PCDHA3: variants seen among roughly 807,000 people sequenced by gnomAD.
The protein encoded by PCDHA3 is protocadherin alpha 3, also known as protocadherin alpha-3.
In PCDHA3, 41 loss-of-function variants were observed where a neutral mutation model predicts 62.2. The observed-to-expected ratio is 0.66, with a 90% CI of 0.51 to 0.86. The LOEUF is 0.86. PCDHA3 is among the 40% of genes least tolerant of loss of function. The pLI is 0.00. For missense variants in PCDHA3, 1,304 were observed against 1,241.2 expected, an observed-to-expected ratio of 1.05 and a Z score of -0.76; for synonymous variants, 640 against 555.4, an observed-to-expected ratio of 1.15 and a Z score of -2.14.
intron 1 of PCDHA3, among the ~76,000 whole-genome samples, chr5:140,951,817 C>T (rs981107617): frequency 6.6e-6 from 1 of 152,146 alleles, no homozygotes; most frequent in Non-Finnish European, 1.5e-5. Flanking sequence ...CCCTCAAAGT[C>T]TGAACTCATT....
In PCDHA3 at chr5:140,850,584, A is replaced by G. The variant is rs1484372356; in HGVS notation, c.2394+46993A>G. On this transcript the variant is annotated intron_variant, in intron 1 of 3. Transcript: ENST00000522353. Reference sequence around the variant, plus strand: ...CCCCGAGGTGACGCTGGTGGATGTCAACGTGTACCTGATCATCGCCATCTG... The same window carrying G: ...CCCCGAGGTGACGCTGGTGGATGTCGACGTGTACCTGATCATCGCCATCTG... The G allele has an allele frequency of 2.5e-6, 4 of 1,598,362 alleles. 1 individual carries two copies. The highest frequency in any genetic ancestry group is 3.4e-6 in the Non-Finnish European group (4 of 1,167,826).
intron 1 of PCDHA3, among the ~76,000 whole-genome samples, chr5:140,897,966 T>C (rs1339473229): frequency 5.3e-5 from 8 of 152,276 alleles, no homozygotes; most frequent in African/African-American, 1.9e-4. Flanking sequence ...TTCATGTGTC[T>C]TTTGGCTGCA....
At chr5:140,880,840 GT>G (rs1554171522) in intron 1 of PCDHA3, among the ~76,000 whole-genome samples, 2 of 152,176 alleles carry the variant, frequency 1.3e-5, no homozygotes, top group Admixed American at 6.5e-5. Flanking sequence ...ATTTTAAATG[GT>G]TGACTATGTA....
intron 1 of PCDHA3, chr5:140,929,402 A>G: frequency 7.3e-6 from 11 of 1,507,926 alleles, no homozygotes; most frequent in Non-Finnish European, 9.7e-6. Context: ...TTTCTTAGAC[A>G]AGCCTTTCAC....
intron 1 of PCDHA3, chr5:140,968,033 G>A (rs1554230222): frequency 6.2e-7 from 1 of 1,614,074 alleles, no homozygotes; most frequent in African/African-American, 1.3e-5. Context: ...TACACTGGTG[G>A]TGAGCGGCCC....
chr5:140,999,215 C>A (rs1290752092), intron 3 of PCDHA3, among the ~76,000 whole-genome samples: 1 of 152,140 alleles, frequency 6.6e-6, no homozygotes, highest in East Asian at 1.9e-4. Context: ...TCTGGAAGTA[C>A]TACATTTGAG....
chr5:140,840,342 G>C (rs1167042274), intron 1 of PCDHA3, among the ~76,000 whole-genome samples: 2 of 151,918 alleles, frequency 1.3e-5, no homozygotes, highest in African/African-American at 4.8e-5. Flanking sequence ...CAATGTTAGG[G>C]TATACAGGTA....
chr5:140,838,756 G>A (rs1775869518), intron 1 of PCDHA3, among the ~76,000 whole-genome samples: 1 of 151,874 alleles, frequency 6.6e-6, no homozygotes, highest in Non-Finnish European at 1.5e-5. Context: ...TGCATCTTTT[G>A]TAGAGACTTT....
chr5:140,897,389 C>G (rs1212817070), intron 1 of PCDHA3, among the ~76,000 whole-genome samples: 1 of 139,546 alleles, frequency 7.2e-6, no homozygotes, highest in Non-Finnish European at 1.5e-5. Context: ...CTTCCTGTGT[C>G]CATGTGTTCT....
intron 1 of PCDHA3, chr5:140,851,395 A>G: frequency 1.0e-6 from 1 of 973,138 alleles, no homozygotes; most frequent in Non-Finnish European, 1.2e-6. Context: ...AGTATCTATT[A>G]TTTTAATAAG....
intron 3 of PCDHA3, among the ~76,000 whole-genome samples, chr5:140,990,194 G>A (rs2097380047): frequency 6.6e-6 from 1 of 152,076 alleles, no homozygotes; most frequent in Non-Finnish European, 1.5e-5. Context: ...ACCAAATGTG[G>A]ACCCGAAAGA....
rs1241604273 is a variant in PCDHA3, at chr5:140,841,714, A to G, written c.2394+38123A>G. ...TGAAGGATGTTAATGACAACCCGCC[A>G]GTGTTCCGGGTAAAAGACCAAAAGC... On this transcript the variant is annotated intron_variant, in intron 1 of 3. Coordinates refer to ENST00000522353, the MANE Select transcript of PCDHA3 (RefSeq NM_018906.3). The G allele has an allele frequency of 2.5e-6, 4 of 1,613,762 alleles. No individual in the cohort carries two copies. In the African/African-American group the frequency reaches 4.0e-5, roughly 16 times the overall value.
intron 3 of PCDHA3, among the ~76,000 whole-genome samples, chr5:140,988,691 G>A (rs1205492528): frequency 6.6e-6 from 1 of 152,114 alleles, no homozygotes; most frequent in African/African-American, 2.4e-5. Context: ...TTCCCTAGAC[G>A]CTCTGTATTT....
intron 1 of PCDHA3, chr5:140,863,589 T>C: frequency 2.8e-6 from 1 of 359,456 alleles, no homozygotes; most frequent in Admixed American, 3.7e-5. Flanking sequence ...TCCTGGAAAG[T>C]ATTTCATTCC....
intron 1 of PCDHA3, among the ~76,000 whole-genome samples, chr5:140,846,541 AT>A (rs1226302144): frequency 6.8e-6 from 1 of 147,482 alleles, no homozygotes; most frequent in Non-Finnish European, 1.5e-5. Context: ...TGCCCTGCTA[AT>A]TTTTTGTATT....
chr5:140,836,439 AT>A (rs1774485155), intron 1 of PCDHA3: 1 of 1,613,702 alleles, frequency 6.2e-7, no homozygotes, highest in Admixed American at 1.7e-5. Context: ...ATCGTTGGGC[AT>A]TGCAGGCCCA....
chr5:140,987,001 G>T (rs2097221434), intron 3 of PCDHA3, among the ~76,000 whole-genome samples: 1 of 152,038 alleles, frequency 6.6e-6, no homozygotes. Context: ...ATCACTTGAG[G>T]TCATGAGTTC....
intron 2 of PCDHA3, among the ~76,000 whole-genome samples, chr5:140,979,752 G>A (rs1048851264): frequency 4.6e-5 from 7 of 152,138 alleles, no homozygotes; most frequent in South Asian, 2.1e-4. Context: ...CATTATTTGC[G>A]AATGTCTTTG....
intron 1 of PCDHA3, chr5:140,929,563 G>A: frequency 2.1e-6 from 1 of 470,088 alleles, no homozygotes; most frequent in Non-Finnish European, 3.6e-6. Context: ...ACCTATTTAA[G>A]AACAATAAAA....
Sources: allele counts gnomAD v4.1 joint callset (sites outside exome capture counted in the v4.1 genomes callset), GRCh38; gene constraint gnomAD v4.1.1; transcripts MANE v1.5; gene names NCBI Gene and HGNC (gene_info 2026-07-23, HGNC 2026-07-21).